The following MOK variants were observed in gnomAD, a reference collection of about 807,000 sequenced individuals.
MOK encodes MOK protein kinase.
Under a neutral mutation model 54.2 loss-of-function variants are expected in MOK, and 59 were observed. That is an observed-to-expected ratio of 1.09 (90% CI 0.88 to 1.35). The LOEUF is 1.35. Among genes scored for constraint, MOK ranks in the 40% most tolerant of loss-of-function variants. The pLI is 0.00. For synonymous variants in MOK, 210 were observed against 202.7 expected (o/e 1.04, Z -0.31); for missense variants, 517 against 526.2 (o/e 0.98, Z 0.17).
chr14:102,295,562 C>A (rs991977016), intron 1 of MOK, among the ~76,000 whole-genome samples: 1 of 152,064 alleles, frequency 6.6e-6, no homozygotes, highest in African/African-American at 2.4e-5. Flanking sequence ...CTAGAGTATG[C>A]GAGGAAGAAG....
At chr14:102,267,392 C>A (rs1015764345) in intron 2 of MOK, among the ~76,000 whole-genome samples, 2 of 152,016 alleles carry the variant, frequency 1.3e-5, no homozygotes, top group African/African-American at 4.8e-5. Flanking sequence ...ATGGTGAAAC[C>A]CCGTCTCTAC....
At chr14:102,257,884 G>A (rs1439147060) in intron 4 of MOK, among the ~76,000 whole-genome samples, 1 of 151,890 alleles carries the variant, frequency 6.6e-6, no homozygotes, top group Non-Finnish European at 1.5e-5. Context: ...GCCTGAGGCA[G>A]GAGAATTGCT....
downstream of MOK, chr14:102,224,822 A>G: frequency 2.2e-6 from 1 of 456,008 alleles, no homozygotes; most frequent in South Asian, 1.5e-5. Flanking sequence ...AAAAGACACT[A>G]AGACTTGCTG....
chr14:102,286,984 C>T (rs1330224364), intron 1 of MOK, among the ~76,000 whole-genome samples: 2 of 151,748 alleles, frequency 1.3e-5, no homozygotes, highest in East Asian at 1.9e-4. Flanking sequence ...AGAATTAATA[C>T]TGGCTCTGTC....
Position 102,271,776 on chromosome 14 carries a change from C to T in MOK, c.123-5864G>A, listed in dbSNP as rs186824203. ...GTTTTGCCATGTTGGCCAGGCTAAT[C>T]TCAAACTCCTGGCCTCAAGTGATCC... On this transcript the variant is annotated intron_variant, in intron 2 of 11. Transcript: ENST00000361847. 2.8e-4 allele frequency among the ~76,000 whole-genome samples: 42 copies of T among 152,220 alleles called. 1 individual carries two copies. The highest frequency in any genetic ancestry group is 8.9e-4 in the African/African-American group (37 of 41,572).
At chr14:102,256,264 T>TC (rs2066939337) in intron 4 of MOK, among the ~76,000 whole-genome samples, 1 of 148,042 alleles carries the variant, frequency 6.8e-6, no homozygotes, top group East Asian at 2.0e-4. Flanking sequence ...ACCCGGATGC[T>TC]TTTTTTTTTA....
downstream of MOK, among the ~76,000 whole-genome samples, chr14:102,227,017 G>A (rs1345338942): frequency 6.6e-6 from 1 of 152,134 alleles, no homozygotes; most frequent in East Asian, 1.9e-4. Context: ...TTGCTTTAGG[G>A]ACTGTTTCTT....
chr14:102,243,518 A>G (rs949906696), intron 7 of MOK, among the ~76,000 whole-genome samples: 1 of 152,184 alleles, frequency 6.6e-6, no homozygotes, highest in Non-Finnish European at 1.5e-5. Context: ...GGCCCTCAAA[A>G]TCACAAACTA....
chr14:102,261,418 A>AATATATATATAT (rs1197835093), intron 4 of MOK, among the ~76,000 whole-genome samples: 12 of 42,818 alleles, frequency 2.8e-4, no homozygotes, highest in African/African-American at 5.4e-4. Context: ...AAAAAAAAAA[A>AATATATATATAT]ATATATATAT....
chr14:102,270,819 A>G (rs1213338320), intron 2 of MOK, among the ~76,000 whole-genome samples: 1 of 152,158 alleles, frequency 6.6e-6, no homozygotes, highest in Non-Finnish European at 1.5e-5. Context: ...AGTGTTCTAA[A>G]ACGGAATTGT....
chr14:102,227,847 C>A (rs1176908360), downstream of MOK, among the ~76,000 whole-genome samples: 1 of 152,212 alleles, frequency 6.6e-6, no homozygotes, highest in African/African-American at 2.4e-5. Flanking sequence ...GGGGCCAGGA[C>A]CACTGGAGAG....
chr14:102,279,351 G>A (rs1386305077), intron 2 of MOK, among the ~76,000 whole-genome samples: 1 of 152,086 alleles, frequency 6.6e-6, no homozygotes, highest in East Asian at 1.9e-4. Context: ...CTGGAGTGCA[G>A]TGGCACAATC....
At chr14:102,216,171 G>T in the MOK span, among the ~76,000 whole-genome samples, 5 of 152,208 alleles carry the variant, frequency 3.3e-5, no homozygotes, top group African/African-American at 1.2e-4. Flanking sequence ...CTCCAGTGCT[G>T]AACTATCTGC....
downstream of MOK, among the ~76,000 whole-genome samples, chr14:102,227,458 C>G (rs1015325053): frequency 1.3e-5 from 2 of 152,112 alleles, no homozygotes; most frequent in African/African-American, 4.8e-5. Flanking sequence ...CGGCACCACC[C>G]CCCTGCTCAG....
chr14:102,300,280 C>T (rs1050164946), intron 1 of MOK, among the ~76,000 whole-genome samples: 4 of 146,220 alleles, frequency 2.7e-5, no homozygotes. Context: ...GCCGAGATCG[C>T]GCCATTGGAC....
chr14:102,301,454 A>T (rs2072190286), intron 1 of MOK, among the ~76,000 whole-genome samples: 1 of 152,180 alleles, frequency 6.6e-6, no homozygotes, highest in Non-Finnish European at 1.5e-5. Context: ...ACCCCTAAAC[A>T]CAGGGCATCA....
intron 1 of MOK, among the ~76,000 whole-genome samples, chr14:102,296,704 G>C (rs1449838533): frequency 1.3e-5 from 2 of 152,168 alleles, no homozygotes; most frequent in Non-Finnish European, 2.9e-5. Context: ...AGGACCACCA[G>C]ATCCCAGGAT....
chr14:102,262,044 T>C (rs1188873152), intron 4 of MOK, among the ~76,000 whole-genome samples: 3 of 151,418 alleles, frequency 2.0e-5, no homozygotes, highest in Non-Finnish European at 2.9e-5. Context: ...GGTTTCACTG[T>C]GTTAGCCAGG....
intron 4 of MOK, among the ~76,000 whole-genome samples, chr14:102,259,274 G>T (rs1481665441): frequency 2.0e-5 from 3 of 151,974 alleles, no homozygotes; most frequent in Non-Finnish European, 4.4e-5. Flanking sequence ...AATAACCTGA[G>T]AGCAGCAATT....
Sources: allele counts gnomAD v4.1 joint callset (sites outside exome capture counted in the v4.1 genomes callset), GRCh38; gene constraint gnomAD v4.1.1; transcripts MANE v1.5; gene names NCBI Gene and HGNC (gene_info 2026-07-23, HGNC 2026-07-21).